Variants in SLC9A9 observed in about 807,000 individuals in gnomAD.
SLC9A9 encodes sodium/hydrogen exchanger 9.
A neutral mutation model predicts 77.8 loss-of-function variants in SLC9A9; 62 were observed. The ratio of observed to expected loss-of-function variants is 0.80; its 90% confidence interval spans 0.65 to 0.98. SLC9A9 has a LOEUF of 0.98. SLC9A9 is among the 50% of genes least tolerant of loss of function. SLC9A9 has a pLI of 0.00. For missense variants in SLC9A9, 775 were observed against 774.9 expected (o/e 1.00, Z 0.00); for synonymous variants, 320 against 283.5 (o/e 1.13, Z -1.29).
chr3:143,361,011 G>C (rs2032738858), intron 14 of SLC9A9, among the ~76,000 whole-genome samples: 1 of 152,228 alleles, frequency 6.6e-6, no homozygotes, highest in Admixed American at 6.5e-5. Flanking sequence ...GAGGAAGAAA[G>C]AATTCTGCCT....
At chr3:143,729,839 A>G (rs1934756047) in intron 4 of SLC9A9, among the ~76,000 whole-genome samples, 2 of 152,160 alleles carry the variant, frequency 1.3e-5, no homozygotes, top group South Asian at 4.1e-4. Context: ...TCGTCTTCCA[A>G]AATAAACAAA....
At chr3:143,501,291 A>G (rs999138726) in intron 9 of SLC9A9, among the ~76,000 whole-genome samples, 2 of 150,874 alleles carry the variant, frequency 1.3e-5, no homozygotes, top group African/African-American at 5.0e-5. Context: ...ATAATAAACA[A>G]TTAAAGAAAT....
At chr3:143,499,355 C>G (rs781101329) in intron 9 of SLC9A9, among the ~76,000 whole-genome samples, 1 of 152,028 alleles carries the variant, frequency 6.6e-6, no homozygotes, top group African/African-American at 2.4e-5. Context: ...TTTTTCACAT[C>G]TTTGTTTAGA....
At chr3:143,827,476 G>A (rs914046246) in intron 2 of SLC9A9, among the ~76,000 whole-genome samples, 3 of 152,114 alleles carry the variant, frequency 2.0e-5, no homozygotes, top group African/African-American at 7.2e-5. Flanking sequence ...GGCATATGGT[G>A]TTTCCTGAAA....
At chr3:143,362,576 A>G (rs1484424654) in intron 14 of SLC9A9, among the ~76,000 whole-genome samples, 2 of 150,790 alleles carry the variant, frequency 1.3e-5, no homozygotes, top group African/African-American at 2.4e-5. Flanking sequence ...TCCTTTCCCT[A>G]TTCTTAATTC....
chr3:143,705,045 A>ATC (rs1576671395), intron 4 of SLC9A9, among the ~76,000 whole-genome samples: 1 of 43,458 alleles, frequency 2.3e-5, no homozygotes, highest in East Asian at 2.8e-4. Flanking sequence ...CTATCTATAT[A>ATC]GATATAGATA....
chr3:143,828,947 A>G (rs1468032070), intron 2 of SLC9A9, among the ~76,000 whole-genome samples: 2 of 152,152 alleles, frequency 1.3e-5, no homozygotes, highest in African/African-American at 4.8e-5. Flanking sequence ...AAAAATTCCA[A>G]AACCCTTGAT....
At chr3:143,501,102 T>C (rs2035915901) in intron 9 of SLC9A9, among the ~76,000 whole-genome samples, 1 of 150,646 alleles carries the variant, frequency 6.6e-6, no homozygotes, top group Non-Finnish European at 1.5e-5. Flanking sequence ...ATTTTGTACA[T>C]AATTTTTCAA....
At chr3:143,318,006 C>A (rs1405852550) in intron 14 of SLC9A9, among the ~76,000 whole-genome samples, 1 of 152,324 alleles carries the variant, frequency 6.6e-6, no homozygotes, top group East Asian at 1.9e-4. Context: ...GGATTACAGG[C>A]CTGAGCCACC....
intron 14 of SLC9A9, among the ~76,000 whole-genome samples, chr3:143,294,144 G>A (rs2030142926): frequency 6.6e-6 from 1 of 152,146 alleles, no homozygotes; most frequent in African/African-American, 2.4e-5. Context: ...TAATCTAGGT[G>A]CTTTAATAAT....
In SLC9A9 at chr3:143,546,798, C is replaced by G. The variant is rs554466981; in HGVS notation, c.1089+5564G>C. Among the ~76,000 whole-genome samples, 7 of 152,292 alleles carry G rather than the reference C, an allele frequency of 4.6e-5. No homozygotes were observed. In the East Asian group the frequency reaches 1.2e-3, roughly 25 times the overall value. ...ACATAAACAAGCACTGTTATTTCTCCTACCTTAAAAATAAAAAGATATTTT... is the reference window on the plus strand; with the variant it reads ...ACATAAACAAGCACTGTTATTTCTCGTACCTTAAAAATAAAAAGATATTTT... On this transcript the variant is annotated intron_variant, in intron 9 of 15. Coordinates refer to ENST00000316549, the MANE Select transcript of SLC9A9 (RefSeq NM_173653.4).
At chr3:143,794,484 G>GA (rs1177273876) in intron 4 of SLC9A9, among the ~76,000 whole-genome samples, 2 of 151,814 alleles carry the variant, frequency 1.3e-5, no homozygotes, top group Non-Finnish European at 2.9e-5. Flanking sequence ...AAAATACAAT[G>GA]AAAAAAAGAG....
At chr3:143,553,066 C>G (rs888805169) in intron 8 of SLC9A9, among the ~76,000 whole-genome samples, 1 of 152,176 alleles carries the variant, frequency 6.6e-6, no homozygotes, top group African/African-American at 2.4e-5. Context: ...CAAACACACC[C>G]AAGGCATTCA....
intron 5 of SLC9A9, among the ~76,000 whole-genome samples, chr3:143,659,851 A>G (rs2038953489): frequency 6.6e-6 from 1 of 152,152 alleles, no homozygotes; most frequent in Non-Finnish European, 1.5e-5. Context: ...CATGTCATGG[A>G]AGGGACCCTG....
At chr3:143,541,510 G>A (rs1385490818) in intron 9 of SLC9A9, among the ~76,000 whole-genome samples, 2 of 152,276 alleles carry the variant, frequency 1.3e-5, no homozygotes, top group South Asian at 4.1e-4. Context: ...AATAATACAA[G>A]TTTGTTGTTT....
rs1393999810 is a variant in SLC9A9 at position 143,506,009 on chromosome 3, T to G, written c.1090-10561A>C. Among the ~76,000 whole-genome samples the G allele has an allele frequency of 2.0e-5, 3 of 152,248 alleles. No individual in the cohort carries two copies. The East Asian group carries it at 5.8e-4, about 29-fold the overall frequency. Reference sequence around the variant, plus strand: ...TTAAAAAAAAATTTTGCTATTAAAGTAAAAGTCATTGCAGGATTTTGTAAG... The same window carrying G: ...TTAAAAAAAAATTTTGCTATTAAAGGAAAAGTCATTGCAGGATTTTGTAAG... On this transcript the variant is annotated intron_variant, in intron 9 of 15. Transcript: ENST00000316549.
At chr3:143,793,931 T>G (rs866577902) in intron 4 of SLC9A9, among the ~76,000 whole-genome samples, 2 of 152,218 alleles carry the variant, frequency 1.3e-5, no homozygotes, top group South Asian at 4.1e-4. Flanking sequence ...CCAAACTTAA[T>G]GGGGCTCCCT....
chr3:143,653,042 G>T (rs1165520070), intron 5 of SLC9A9, among the ~76,000 whole-genome samples: 1 of 152,150 alleles, frequency 6.6e-6, no homozygotes, highest in East Asian at 1.9e-4. Flanking sequence ...ATGCATGAAT[G>T]ACTAAATGAA....
chr3:143,389,204 T>C (rs1320199933), intron 12 of SLC9A9, among the ~76,000 whole-genome samples: 1 of 152,080 alleles, frequency 6.6e-6, no homozygotes, highest in Non-Finnish European at 1.5e-5. Context: ...GAAAGATCAC[T>C]GGAGGTATAC....
Sources: allele counts gnomAD v4.1 joint callset (sites outside exome capture counted in the v4.1 genomes callset), GRCh38; gene constraint gnomAD v4.1.1; transcripts MANE v1.5; gene names NCBI Gene and HGNC (gene_info 2026-07-23, HGNC 2026-07-21).